GRID2: variants seen among roughly 807,000 people sequenced by gnomAD.
GRID2 encodes glutamate receptor ionotropic, delta-2.
GRID2 carries 33 observed loss-of-function variants against 114.8 expected under a neutral mutation model. That is an observed-to-expected ratio of 0.29 (90% CI 0.22 to 0.38). GRID2 has a LOEUF of 0.38. Among genes scored for constraint, GRID2 ranks in the 10% least tolerant of loss-of-function variants. The probability of loss-of-function intolerance (pLI) is 1.00; values close to 1 mark genes in which losing one functional copy is unlikely to be tolerated. For synonymous variants in GRID2, 505 were observed against 449.9 expected, an observed-to-expected ratio of 1.12 and a Z score of -1.55; for missense variants, 1,184 against 1,257.7, an observed-to-expected ratio of 0.94 and a Z score of 0.89.
chr4:93,690,592 T>G (rs749663921), intron 14 of GRID2, among the ~76,000 whole-genome samples: 2 of 151,906 alleles, frequency 1.3e-5, no homozygotes, highest in Non-Finnish European at 2.9e-5. Context: ...AGGAAAATAG[T>G]AAACAATTGA....
intron 10 of GRID2, among the ~76,000 whole-genome samples, chr4:93,432,559 A>G (rs2149381738): frequency 6.6e-6 from 1 of 152,284 alleles, no homozygotes; most frequent in Non-Finnish European, 1.5e-5. Context: ...TGTTAGAGAA[A>G]ACAAAAGAAA....
chr4:93,649,654 A>G (rs1386043118), intron 14 of GRID2, among the ~76,000 whole-genome samples: 3 of 152,178 alleles, frequency 2.0e-5, no homozygotes, highest in Non-Finnish European at 4.4e-5. Flanking sequence ...GTGATATTTT[A>G]TCATCTGTTT....
At chr4:92,329,580 A>G (rs1012669856) in intron 1 of GRID2, among the ~76,000 whole-genome samples, 2 of 152,076 alleles carry the variant, frequency 1.3e-5, no homozygotes, top group Non-Finnish European at 2.9e-5. Context: ...AGGAGGCCCA[A>G]ATGAAAAATT....
chr4:92,846,060 T>A (rs1743297673), intron 2 of GRID2, among the ~76,000 whole-genome samples: 12 of 152,124 alleles, frequency 7.9e-5, no homozygotes, highest in Admixed American at 7.9e-4. Context: ...ATTCATGACT[T>A]CTTAATATCT....
At position 93,395,611 on chromosome 4, in the gene GRID2, G is replaced by T. The variant is rs1208352319; in HGVS notation, c.1250G>T (p.Gly417Val). ...EELGRGVRKLGCWNPVTGLNG... is the reference protein window; with the variant it reads ...EELGRGVRKLVCWNPVTGLNG... ...CAAAGTTGTCTTATCTTTCAGCTTGGTTGCTGGAATCCTGTCACAGGTCTG... is the reference window on the plus strand; with the variant it reads ...CAAAGTTGTCTTATCTTTCAGCTTGTTTGCTGGAATCCTGTCACAGGTCTG... The change falls in exon 9 of 16, where the codon GGT becomes GTT. Residue 417 changes from glycine (G) to valine (V), a missense_variant. Gly to Val is a moderately radical substitution (Grantham distance 109). Transcript: ENST00000282020. 4 of 1,480,986 alleles carry T rather than the reference G, an allele frequency of 2.7e-6. No individual in the cohort carries two copies. Among genetic ancestry groups the T allele is most frequent in the Non-Finnish European group, 3.8e-6 (4 of 1,060,914 alleles). 91.7% of individuals were successfully genotyped at this position (1,480,986 alleles called of 1,614,324 possible).
chr4:92,816,556 T>A (rs1017511320), intron 2 of GRID2, among the ~76,000 whole-genome samples: 1 of 151,584 alleles, frequency 6.6e-6, no homozygotes, highest in African/African-American at 2.4e-5. Flanking sequence ...AAGGGAGGAG[T>A]GTTTGCAAAT....
rs537105123 is a variant in GRID2 at position 93,527,523 on chromosome 4, A to G, written c.2193+12112A>G. On this transcript the variant is annotated intron_variant, in intron 13 of 15. Coordinates refer to ENST00000282020, the MANE Select transcript of GRID2 (RefSeq NM_001510.4). ...TACCTAACATTAAATACTGGAGTCC[A>G]AAAGTGCACAATACATTTTAAAAAA... Among the ~76,000 whole-genome samples the G allele has an allele frequency of 5.9e-5, 9 of 152,194 alleles. No homozygotes were observed. The East Asian group carries it at 1.7e-3, about 29-fold the overall frequency.
intron 1 of GRID2, among the ~76,000 whole-genome samples, chr4:92,434,595 C>A (rs974071054): frequency 2.0e-5 from 3 of 151,988 alleles, no homozygotes; most frequent in East Asian, 3.9e-4. Context: ...GCTATCCTGA[C>A]CTCCTTTGGA....
At chr4:93,231,579 C>T (rs1373815605) in intron 7 of GRID2, among the ~76,000 whole-genome samples, 1 of 152,078 alleles carries the variant, frequency 6.6e-6, no homozygotes, top group Non-Finnish European at 1.5e-5. Flanking sequence ...CCAAGAAAGA[C>T]ATCTGAGCCT....
At chr4:92,724,244 C>T (rs1479733772) in intron 2 of GRID2, among the ~76,000 whole-genome samples, 1 of 152,048 alleles carries the variant, frequency 6.6e-6, no homozygotes, top group South Asian at 2.1e-4. Flanking sequence ...TTAAGAGCAG[C>T]CTGGTCTGAG....
intron 11 of GRID2, among the ~76,000 whole-genome samples, chr4:93,470,535 G>T (rs1724701868): frequency 6.6e-6 from 1 of 152,090 alleles, no homozygotes; most frequent in South Asian, 2.1e-4. Context: ...AATTGTACTA[G>T]TTTATAGCTC....
At chr4:93,630,728 A>C (rs1743165079) in intron 14 of GRID2, among the ~76,000 whole-genome samples, 1 of 152,178 alleles carries the variant, frequency 6.6e-6, no homozygotes, top group African/African-American at 2.4e-5. Context: ...AATTTTTAGA[A>C]ATGGAACTAA....
rs377399217 is a variant in GRID2 at position 93,561,442 on chromosome 4, A to G, written c.2193+46031A>G. Among the ~76,000 whole-genome samples the G allele has an allele frequency of 8.5e-5, 13 of 152,188 alleles. No homozygotes were observed. The South Asian group carries it at 1.0e-3, about 12-fold the overall frequency. On this transcript the variant is annotated intron_variant, in intron 13 of 15. Coordinates refer to ENST00000282020, the MANE Select transcript of GRID2 (RefSeq NM_001510.4). The stretch of plus-strand genomic sequence containing the variant: ...AGGAAGGTATAGAGATTTTCCGTAT[A>G]CCATTTGCCCCTAAACATGTATAGC...
chr4:93,570,099 A>AT (rs1735799613), intron 13 of GRID2, among the ~76,000 whole-genome samples: 1 of 149,128 alleles, frequency 6.7e-6, no homozygotes, highest in Non-Finnish European at 1.5e-5. Flanking sequence ...AGCTTCATTA[A>AT]TATTTTTTAA....
chr4:93,438,384 A>G (rs549450149), intron 10 of GRID2, among the ~76,000 whole-genome samples: 1 of 152,250 alleles, frequency 6.6e-6, no homozygotes, highest in South Asian at 2.1e-4. Flanking sequence ...GAGTAGGAGT[A>G]TAAGAGGCAA....
intron 13 of GRID2, among the ~76,000 whole-genome samples, chr4:93,587,456 A>G (rs929947157): frequency 6.6e-6 from 1 of 152,132 alleles, no homozygotes; most frequent in Admixed American, 6.6e-5. Context: ...GCAAAGTGAC[A>G]TGTACTGCTA....
At chr4:92,577,788 A>T (rs1727968244) in intron 1 of GRID2, among the ~76,000 whole-genome samples, 1 of 152,154 alleles carries the variant, frequency 6.6e-6, no homozygotes. Flanking sequence ...AGGTGGTCAG[A>T]GTGGAGAACA....
chr4:93,753,924 T>A (rs1166024362), intron 14 of GRID2, among the ~76,000 whole-genome samples: 1 of 152,172 alleles, frequency 6.6e-6, no homozygotes, highest in Non-Finnish European at 1.5e-5. Context: ...CACTTAGTGA[T>A]GGGGATACAT....
chr4:92,507,849 C>T (rs1724052874), intron 1 of GRID2, among the ~76,000 whole-genome samples: 1 of 151,924 alleles, frequency 6.6e-6, no homozygotes, highest in Admixed American at 6.6e-5. Flanking sequence ...TAAATTCACA[C>T]AGCATTAGTG....
Sources: allele counts gnomAD v4.1 joint callset (sites outside exome capture counted in the v4.1 genomes callset), GRCh38; gene constraint gnomAD v4.1.1; transcripts MANE v1.5; gene names NCBI Gene and HGNC (gene_info 2026-07-23, HGNC 2026-07-21).